Variants in FHIT observed in about 807,000 individuals in gnomAD.
The protein encoded by FHIT is bis(5'-adenosyl)-triphosphatase.
In FHIT, 19 loss-of-function variants were observed where a neutral mutation model predicts 17.9. The observed-to-expected ratio is 1.06, with a 90% CI of 0.74 to 1.56. The LOEUF (loss-of-function observed/expected upper bound fraction) is 1.56. Ranked by LOEUF, FHIT falls within the 40% of genes most tolerant of loss-of-function variation. The probability of loss-of-function intolerance (pLI) is 0.00; values close to 1 mark genes in which losing one functional copy is unlikely to be tolerated. For synonymous variants in FHIT, 81 were observed against 69.7 expected (o/e 1.16, Z -0.81); for missense variants, 248 against 189.2 (o/e 1.31, Z -1.82).
At chr3:60,011,022 C>G (rs1575878040) in intron 7 of FHIT, among the ~76,000 whole-genome samples, 1 of 152,202 alleles carries the variant, frequency 6.6e-6, no homozygotes, top group African/African-American at 2.4e-5. Flanking sequence ...ACACCCCAGG[C>G]TTAACATGGG....
intron 5 of FHIT, among the ~76,000 whole-genome samples, chr3:60,090,736 G>A (rs1477771186): frequency 6.6e-6 from 1 of 152,140 alleles, no homozygotes; most frequent in Non-Finnish European, 1.5e-5. Flanking sequence ...TTGGTTCAGA[G>A]TGTACCTGCC....
chr3:60,357,996 T>C (rs1699748328), intron 5 of FHIT, among the ~76,000 whole-genome samples: 1 of 152,202 alleles, frequency 6.6e-6, no homozygotes, highest in South Asian at 2.1e-4. Context: ...AAGTTCGAAC[T>C]ATAGACCTCC....
chr3:59,857,858 T>C (rs141722113), intron 8 of FHIT, among the ~76,000 whole-genome samples: 1 of 151,996 alleles, frequency 6.6e-6, no homozygotes, highest in African/African-American at 2.4e-5. Flanking sequence ...AGAGCTCTGA[T>C]AGAGAGAAAC....
intron 5 of FHIT, among the ~76,000 whole-genome samples, chr3:60,147,795 T>C (rs760896582): frequency 1.4e-4 from 21 of 152,180 alleles, no homozygotes; most frequent in Admixed American, 1.4e-3. Flanking sequence ...TTGCTGAATG[T>C]GTGCCTCATG....
intron 3 of FHIT, among the ~76,000 whole-genome samples, chr3:60,955,951 C>T (rs62267336): frequency 0.37 from 56,089 of 151,702 alleles, 11,362 homozygotes; most frequent in African/African-American, 0.54. Context: ...TTAGCTGATT[C>T]TGAGTCAATT....
At position 60,899,478 on chromosome 3, in the gene FHIT, T is replaced by G. The variant is rs190620079; in HGVS notation, c.-110-77467A>C. Among the ~76,000 whole-genome samples, 10 of 152,322 alleles carry G rather than the reference T, an allele frequency of 6.6e-5. No individual in the cohort carries two copies. The East Asian group carries it at 1.9e-3, about 29-fold the overall frequency. On this transcript the variant is annotated intron_variant, in intron 3 of 9. Transcript: ENST00000492590. ...GTTGTATTTTTTCATATGAATATATTAAATCAAGATTAATAAACCTTTGCA... is the reference window on the plus strand; with the variant it reads ...GTTGTATTTTTTCATATGAATATATGAAATCAAGATTAATAAACCTTTGCA...
At chr3:59,751,744 A>T (rs1700916358) in intron 9 of FHIT, 2 of 233,656 alleles carry the variant, frequency 8.6e-6, no homozygotes, top group Non-Finnish European at 1.7e-5. Context: ...ATAGCAACTG[A>T]AGAGAAGAGT....
intron 5 of FHIT, chr3:60,536,322 T>C (rs1225317114): frequency 2.6e-5 from 4 of 152,344 alleles, no homozygotes; most frequent in African/African-American, 7.2e-5. Context: ...GAAAATGCTA[T>C]TTCAGGTCCT....
chr3:60,241,089 T>A (rs1053940330), intron 5 of FHIT, among the ~76,000 whole-genome samples: 1 of 152,128 alleles, frequency 6.6e-6, no homozygotes, highest in Non-Finnish European at 1.5e-5. Flanking sequence ...CTTGCAACAG[T>A]TTTTAGGAAA....
At chr3:60,158,133 T>C (rs1294092370) in intron 5 of FHIT, among the ~76,000 whole-genome samples, 3 of 152,106 alleles carry the variant, frequency 2.0e-5, no homozygotes, top group African/African-American at 4.8e-5. Context: ...AAGCAAACCC[T>C]TGACATCTGG....
intron 3 of FHIT, among the ~76,000 whole-genome samples, chr3:60,987,843 C>G (rs2029866635): frequency 6.6e-6 from 1 of 152,182 alleles, no homozygotes; most frequent in Admixed American, 6.5e-5. Context: ...CCATAAAATT[C>G]TCTTCCATCT....
At chr3:60,013,899 A>G in intron 6 of FHIT, 108 bp downstream of exon 6, 1 of 1,195,798 alleles carries the variant, frequency 8.4e-7, no homozygotes, top group Non-Finnish European at 1.2e-6. Flanking sequence ...TGCTACCTAA[A>G]ATACAAACAA....
At chr3:59,849,634 G>C (rs1701856434) in intron 8 of FHIT, among the ~76,000 whole-genome samples, 1 of 152,146 alleles carries the variant, frequency 6.6e-6, no homozygotes, top group African/African-American at 2.4e-5. Context: ...ACGTACCTGA[G>C]GGACTGTATG....
intron 5 of FHIT, among the ~76,000 whole-genome samples, chr3:60,400,826 T>C (rs1199722299): frequency 6.6e-6 from 1 of 152,146 alleles, no homozygotes; most frequent in Non-Finnish European, 1.5e-5. Flanking sequence ...AGGATTTTGT[T>C]AGTCTAAATT....
chr3:60,526,537 T>C (rs1239248673), intron 5 of FHIT, among the ~76,000 whole-genome samples: 5 of 152,134 alleles, frequency 3.3e-5, no homozygotes, highest in African/African-American at 1.2e-4. Flanking sequence ...GGTGAAATAG[T>C]GTAGAAAAGT....
At chr3:60,643,077 C>T (rs957683603) in intron 4 of FHIT, among the ~76,000 whole-genome samples, 48 of 152,206 alleles carry the variant, frequency 3.2e-4, no homozygotes, top group Non-Finnish European at 6.0e-4. Flanking sequence ...CTTTGAGTAC[C>T]ATTGCATTTC....
intron 5 of FHIT, among the ~76,000 whole-genome samples, chr3:60,423,207 G>A (rs1370448574): frequency 6.6e-6 from 1 of 152,036 alleles, no homozygotes; most frequent in Non-Finnish European, 1.5e-5. Context: ...GAGTAGAGTA[G>A]AGTATAGATG....
intron 5 of FHIT, among the ~76,000 whole-genome samples, chr3:60,308,134 A>C (rs1329677043): frequency 6.6e-6 from 1 of 152,158 alleles, no homozygotes; most frequent in Non-Finnish European, 1.5e-5. Context: ...TATTAAGCTC[A>C]AGTCACCCAT....
chr3:60,560,514 A>C (rs1054795567), intron 4 of FHIT, among the ~76,000 whole-genome samples: 5 of 152,206 alleles, frequency 3.3e-5, no homozygotes, highest in Non-Finnish European at 2.9e-5. Context: ...GGCTTGGTTC[A>C]GGCCAAAACC....
Sources: allele counts gnomAD v4.1 joint callset (sites outside exome capture counted in the v4.1 genomes callset), GRCh38; gene constraint gnomAD v4.1.1; transcripts MANE v1.5; gene names NCBI Gene and HGNC (gene_info 2026-07-23, HGNC 2026-07-21).